The following SPMAP2L variants were observed in gnomAD, a reference collection of about 807,000 sequenced individuals.
The protein encoded by SPMAP2L is sperm microtubule associated protein 2-like.
chr4:56,622,749 C>T, the SPMAP2L span, among the ~76,000 whole-genome samples: 3 of 152,222 alleles, frequency 2.0e-5, no homozygotes, highest in African/African-American at 7.2e-5. Flanking sequence ...GAGCCACCTA[C>T]ATCCTTCTCC....
chr4:56,607,009 G>A, the SPMAP2L span, among the ~76,000 whole-genome samples: 1 of 152,166 alleles, frequency 6.6e-6, no homozygotes, highest in Non-Finnish European at 1.5e-5. Flanking sequence ...GGGATTTGAT[G>A]ATGGGTTATA....
At chr4:56,617,976 C>T in the SPMAP2L span, among the ~76,000 whole-genome samples, 8 of 152,238 alleles carry the variant, frequency 5.3e-5, no homozygotes, top group Admixed American at 4.6e-4. Flanking sequence ...CACAACCAGC[C>T]GCTTATGTCT....
the SPMAP2L span, among the ~76,000 whole-genome samples, chr4:56,610,996 G>T: frequency 6.6e-6 from 1 of 152,170 alleles, no homozygotes; most frequent in East Asian, 1.9e-4. Flanking sequence ...TTGCTCATGG[G>T]AATGCAAACT....
At chr4:56,539,760 TAG>T in the SPMAP2L span, among the ~76,000 whole-genome samples, 1 of 152,190 alleles carries the variant, frequency 6.6e-6, no homozygotes, top group Non-Finnish European at 1.5e-5. Context: ...GAAAACTTTT[TAG>T]AGAGAGTCTC....
chr4:56,555,265 C>T, the SPMAP2L span, among the ~76,000 whole-genome samples: 1 of 151,998 alleles, frequency 6.6e-6, no homozygotes, highest in African/African-American at 2.4e-5. Context: ...GATTGGATTG[C>T]CTTCAATACT....
At chr4:56,575,510 A>G in the SPMAP2L span, 1 of 1,535,278 alleles carries the variant, frequency 6.5e-7, no homozygotes, top group South Asian at 1.2e-5. Context: ...TGCAGGGCTC[A>G]ATACTACCAC....
the SPMAP2L span, among the ~76,000 whole-genome samples, chr4:56,570,180 T>C: frequency 6.6e-6 from 1 of 152,212 alleles, no homozygotes; most frequent in East Asian, 1.9e-4. Flanking sequence ...AGACCTTCCC[T>C]GACTATTCTC....
the SPMAP2L span, among the ~76,000 whole-genome samples, chr4:56,581,993 C>T: frequency 1.3e-5 from 2 of 152,054 alleles, no homozygotes; most frequent in Admixed American, 6.6e-5. Flanking sequence ...TGTTTGACGC[C>T]CACATCATAC....
chr4:56,604,788 G>A, the SPMAP2L span, among the ~76,000 whole-genome samples: 1 of 152,202 alleles, frequency 6.6e-6, no homozygotes, highest in Non-Finnish European at 1.5e-5. Context: ...TAAAGAGAGT[G>A]TGGTATATGT....
the SPMAP2L span, chr4:56,593,800 CTGT>C: frequency 3.1e-6 from 5 of 1,599,044 alleles, no homozygotes; most frequent in Non-Finnish European, 4.3e-6. Flanking sequence ...CCAGCAACAT[CTGT>C]ACAGCTCAGG....
At chr4:56,594,753 A>T in the SPMAP2L span, 1 of 1,488,892 alleles carries the variant, frequency 6.7e-7, no homozygotes, top group Non-Finnish European at 9.4e-7. Context: ...ATGATTACAT[A>T]CCCATCCACC....
the SPMAP2L span, among the ~76,000 whole-genome samples, chr4:56,564,844 A>G: frequency 2.0e-5 from 3 of 152,148 alleles, no homozygotes; most frequent in Non-Finnish European, 4.4e-5. Flanking sequence ...GCTGCATTCC[A>G]CAAATGTTGA....
At chr4:56,559,867 T>G in the SPMAP2L span, among the ~76,000 whole-genome samples, 1 of 152,114 alleles carries the variant, frequency 6.6e-6, no homozygotes, top group African/African-American at 2.4e-5. Flanking sequence ...ACACCTGGCC[T>G]TTATCAGGAG....
chr4:56,595,528 T>C, the SPMAP2L span: 11 of 1,497,882 alleles, frequency 7.3e-6, no homozygotes, highest in Admixed American at 8.4e-5. Context: ...CGTTATATCT[T>C]CCCACTGGGA....
chr4:56,605,758 A>T, the SPMAP2L span, among the ~76,000 whole-genome samples: 1 of 152,166 alleles, frequency 6.6e-6, no homozygotes, highest in South Asian at 2.1e-4. Context: ...CAATTAACTG[A>T]TAAGGTACCA....
At chr4:56,583,709 A>T in the SPMAP2L span, among the ~76,000 whole-genome samples, 1 of 152,192 alleles carries the variant, frequency 6.6e-6, no homozygotes, top group Non-Finnish European at 1.5e-5. Context: ...GCCATTGCAG[A>T]GGGGCCCTCA....
At chr4:56,618,673 C>T in the SPMAP2L span, among the ~76,000 whole-genome samples, 3 of 152,162 alleles carry the variant, frequency 2.0e-5, no homozygotes, top group Admixed American at 1.3e-4. Flanking sequence ...GTCCCTCCCA[C>T]CACACAGGGG....
the SPMAP2L span, among the ~76,000 whole-genome samples, chr4:56,569,075 C>T: frequency 6.6e-6 from 1 of 152,148 alleles, no homozygotes; most frequent in Non-Finnish European, 1.5e-5. Flanking sequence ...AGACATTGGC[C>T]TCTTTTTACA....
chr4:56,600,093 C>CTTTT, the SPMAP2L span, among the ~76,000 whole-genome samples: 3 of 93,858 alleles, frequency 3.2e-5, no homozygotes, highest in African/African-American at 1.4e-4. Flanking sequence ...TTTTTCTTTG[C>CTTTT]TTTCTTTTTT....
Sources: allele counts gnomAD v4.1 joint callset (sites outside exome capture counted in the v4.1 genomes callset), GRCh38; gene constraint gnomAD v4.1.1; transcripts MANE v1.5; gene names NCBI Gene and HGNC (gene_info 2026-07-23, HGNC 2026-07-21).